The following SHISA9 variants were observed in gnomAD, a reference collection of about 807,000 sequenced individuals.
The protein encoded by SHISA9 is shisa family member 9.
SHISA9 carries 13 observed loss-of-function variants against 38.0 expected under a neutral mutation model. That is an observed-to-expected ratio of 0.34 (90% CI 0.22 to 0.54). SHISA9 has a LOEUF of 0.54. SHISA9 is among the 20% of genes least tolerant of loss of function. The probability of loss-of-function intolerance (pLI) is 0.91; values close to 1 mark genes in which losing one functional copy is unlikely to be tolerated. For missense variants in SHISA9, 538 were observed against 575.8 expected (o/e 0.93, Z 0.67); for synonymous variants, 275 against 242.0 (o/e 1.14, Z -1.27).
the SHISA9 span, among the ~76,000 whole-genome samples, chr16:13,521,981 A>G: frequency 6.6e-6 from 1 of 152,196 alleles, no homozygotes; most frequent in Non-Finnish European, 1.5e-5. Flanking sequence ...TGAAGCCCAC[A>G]TATACCCTGA....
intron 2 of SHISA9, among the ~76,000 whole-genome samples, chr16:13,162,657 C>T (rs142082769): frequency 5.3e-5 from 8 of 152,238 alleles, no homozygotes; most frequent in African/African-American, 1.7e-4. Context: ...ACACACAGGA[C>T]TTTATTATAA....
At chr16:13,530,392 A>G in the SHISA9 span, among the ~76,000 whole-genome samples, 2 of 152,140 alleles carry the variant, frequency 1.3e-5, no homozygotes, top group South Asian at 4.2e-4. Context: ...CATTTTCCCC[A>G]TATGTAAGAT....
chr16:12,942,905 G>C (rs1045790972), intron 2 of SHISA9, among the ~76,000 whole-genome samples: 1 of 152,166 alleles, frequency 6.6e-6, no homozygotes, highest in African/African-American at 2.4e-5. Flanking sequence ...GGTCTCAACA[G>C]ATGTTCTCGG....
chr16:13,235,326 G>T lies in SHISA9; in HGVS notation c.1192G>T (p.Asp398Tyr), dbSNP rs1408433651. Residue 398 changes from aspartate to tyrosine, a missense_variant, in exon 5 of 5, where the codon GAC (aspartate) becomes TAC (tyrosine). Asp to Tyr is a radical substitution (Grantham distance 160, BLOSUM62 -3). Coordinates refer to ENST00000558583, the MANE Select transcript of SHISA9 (RefSeq NM_001145204.3). ...TGGCACGGCCGAGACAGGCTCCAGC[G>T]ACCCCTTGGGAACTCGCCCCCAGCA... Reference protein sequence around the residue: ...KLGTAETGSSDPLGTRPQHYP... With the variant: ...KLGTAETGSSYPLGTRPQHYP... 3.7e-5 allele frequency: 58 copies of T among 1,547,674 alleles called. No homozygotes were observed. Among genetic ancestry groups the T allele is most frequent in the African/African-American group, 1.1e-4 (8 of 72,970 alleles).
chr16:13,000,939 T>A (rs1323997626), intron 2 of SHISA9, among the ~76,000 whole-genome samples: 1 of 152,158 alleles, frequency 6.6e-6, no homozygotes, highest in African/African-American at 2.4e-5. Context: ...TTTCTTTCTT[T>A]GTTTTTTTGA....
intron 2 of SHISA9, among the ~76,000 whole-genome samples, chr16:13,020,496 T>C (rs1176758034): frequency 6.6e-6 from 1 of 152,198 alleles, no homozygotes; most frequent in Non-Finnish European, 1.5e-5. Flanking sequence ...TTGCTAAAGA[T>C]AATGGCCTCC....
chr16:13,392,894 T>C, the SHISA9 span, among the ~76,000 whole-genome samples: 1 of 152,234 alleles, frequency 6.6e-6, no homozygotes, highest in Non-Finnish European at 1.5e-5. Flanking sequence ...CTCACAGCCT[T>C]AGAAGAAACC....
In SHISA9 at chr16:12,992,774, C is replaced by A. The variant is rs139339949; in HGVS notation, c.691+75959C>A. ...ATTTTTGCTTTCGGAAAATGACAAG[C>A]GGTGTCTTGCATGTTTCAAAGGGCA... On this transcript the variant is annotated intron_variant, in intron 2 of 4. Transcript: ENST00000558583. 6.2e-3 allele frequency among the ~76,000 whole-genome samples: 941 copies of A among 152,230 alleles called. 11 individuals carry two copies. Among genetic ancestry groups the A allele is most frequent in the African/African-American group, 0.022 (894 of 41,538 alleles).
chr16:12,944,914 C>A (rs1378731381), intron 2 of SHISA9, among the ~76,000 whole-genome samples: 1 of 152,092 alleles, frequency 6.6e-6, no homozygotes, highest in East Asian at 1.9e-4. Context: ...ATAGGGAAAC[C>A]CATCAAGGGT....
the SHISA9 span, among the ~76,000 whole-genome samples, chr16:13,281,351 T>C: frequency 6.6e-6 from 1 of 151,824 alleles, no homozygotes; most frequent in East Asian, 1.9e-4. Flanking sequence ...GTGCTTACTG[T>C]TTGCATAGTA....
chr16:13,096,833 G>A (rs1303741201), intron 2 of SHISA9, among the ~76,000 whole-genome samples: 1 of 152,042 alleles, frequency 6.6e-6, no homozygotes. Context: ...TCAACTGGGA[G>A]CTCTCTCTTC....
chr16:13,342,533 CT>C, the SHISA9 span, among the ~76,000 whole-genome samples: 1 of 152,150 alleles, frequency 6.6e-6, no homozygotes, highest in Non-Finnish European at 1.5e-5. Flanking sequence ...TAATCCACCC[CT>C]CTCGGCCTTC....
At chr16:13,024,296 C>T (rs1380680304) in intron 2 of SHISA9, among the ~76,000 whole-genome samples, 3 of 152,224 alleles carry the variant, frequency 2.0e-5, no homozygotes, top group Non-Finnish European at 4.4e-5. Context: ...ATCTCATTTG[C>T]AACAGAGAAG....
chr16:13,157,396 T>A (rs887909717), intron 2 of SHISA9, among the ~76,000 whole-genome samples: 11 of 152,232 alleles, frequency 7.2e-5, no homozygotes, highest in African/African-American at 2.7e-4. Context: ...ATTTTGGAAC[T>A]TGAATGCCTG....
At chr16:13,298,143 C>T in the SHISA9 span, among the ~76,000 whole-genome samples, 1 of 152,174 alleles carries the variant, frequency 6.6e-6, no homozygotes, top group Non-Finnish European at 1.5e-5. Flanking sequence ...AATCCATGGA[C>T]ACCGGCTGCT....
chr16:13,502,099 T>C, the SHISA9 span, among the ~76,000 whole-genome samples: 2 of 152,084 alleles, frequency 1.3e-5, no homozygotes, highest in Non-Finnish European at 2.9e-5. Flanking sequence ...AATGGGTGGA[T>C]GAAATAAAGG....
the SHISA9 span, among the ~76,000 whole-genome samples, chr16:13,262,888 C>T: frequency 1.2e-4 from 18 of 152,194 alleles, no homozygotes; most frequent in Non-Finnish European, 2.2e-4. Flanking sequence ...ACAGGGAGAG[C>T]ATTAACTATC....
intron 4 of SHISA9, among the ~76,000 whole-genome samples, chr16:13,227,415 G>T (rs1421096149): frequency 6.6e-6 from 1 of 152,184 alleles, no homozygotes; most frequent in Non-Finnish European, 1.5e-5. Context: ...CAAGAGAAGA[G>T]GAGAATGAAG....
At chr16:13,026,025 G>C (rs1023868407) in intron 2 of SHISA9, among the ~76,000 whole-genome samples, 6 of 151,982 alleles carry the variant, frequency 3.9e-5, no homozygotes, top group East Asian at 1.9e-4. Context: ...GGCTGGTCTC[G>C]AACTCCCGAC....
Sources: allele counts gnomAD v4.1 joint callset (sites outside exome capture counted in the v4.1 genomes callset), GRCh38; gene constraint gnomAD v4.1.1; transcripts MANE v1.5; gene names NCBI Gene and HGNC (gene_info 2026-07-23, HGNC 2026-07-21).